Variants in SNCAIP observed in about 807,000 individuals in gnomAD.
SNCAIP encodes the protein synphilin-1.
Under a neutral mutation model 86.7 loss-of-function variants are expected in SNCAIP, and 43 were observed. The observed-to-expected ratio is 0.50, with a 90% CI of 0.39 to 0.64. The LOEUF is 0.64. SNCAIP is among the 30% of genes least tolerant of loss of function. The pLI is 0.00. For synonymous variants in SNCAIP, 417 were observed against 427.2 expected, an observed-to-expected ratio of 0.98 and a Z score of 0.29; for missense variants, 981 against 1,103.1, an observed-to-expected ratio of 0.89 and a Z score of 1.57.
chr5:122,380,450 G>T (rs1422246528), intron 1 of SNCAIP, among the ~76,000 whole-genome samples: 3 of 150,194 alleles, frequency 2.0e-5, no homozygotes, highest in Non-Finnish European at 3.0e-5. Flanking sequence ...CATTAGTCTT[G>T]CTAGTGGTCT....
chr5:122,421,371 G>C (rs934944502), intron 3 of SNCAIP, among the ~76,000 whole-genome samples: 1 of 152,118 alleles, frequency 6.6e-6, no homozygotes, highest in Non-Finnish European at 1.5e-5. Flanking sequence ...CTCTCATCCC[G>C]TTAGCTTGGT....
At chr5:122,444,967 C>T (rs537831899) in intron 8 of SNCAIP, 1 of 544,790 alleles carries the variant, frequency 1.8e-6, no homozygotes, top group African/African-American at 1.9e-5. Context: ...GCTCCCAAAG[C>T]AGGGAATTTA....
chr5:122,405,398 A>G (rs980569593), intron 3 of SNCAIP, among the ~76,000 whole-genome samples: 1 of 152,212 alleles, frequency 6.6e-6, no homozygotes, highest in East Asian at 1.9e-4. Context: ...ATACTTTATC[A>G]GGGCTTAATG....
At chr5:122,317,933 C>T (rs1752116973) in intron 1 of SNCAIP, among the ~76,000 whole-genome samples, 1 of 152,002 alleles carries the variant, frequency 6.6e-6, no homozygotes, top group Non-Finnish European at 1.5e-5. Context: ...CAAATGCTGC[C>T]TTCAGTCTCT....
At chr5:122,375,670 A>C (rs1488959442) in intron 1 of SNCAIP, among the ~76,000 whole-genome samples, 1 of 152,064 alleles carries the variant, frequency 6.6e-6, no homozygotes, top group East Asian at 1.9e-4. Context: ...GGAAATTTTA[A>C]AGTAGCCAAG....
At chr5:122,456,263 G>A (rs987785914) in intron 10 of SNCAIP, among the ~76,000 whole-genome samples, 1 of 152,298 alleles carries the variant, frequency 6.6e-6, no homozygotes, top group South Asian at 2.1e-4. Context: ...GCCACACTGG[G>A]AACTTCATAC....
At chr5:122,422,022 A>G (rs542198622) in intron 3 of SNCAIP, among the ~76,000 whole-genome samples, 2 of 112,344 alleles carry the variant, frequency 1.8e-5, no homozygotes, top group African/African-American at 7.0e-5. Context: ...AAAAAAAAAA[A>G]AAAAAACCAC....
chr5:122,322,639 A>T (rs1753192399), intron 1 of SNCAIP, among the ~76,000 whole-genome samples: 1 of 152,236 alleles, frequency 6.6e-6, no homozygotes, highest in African/African-American at 2.4e-5. Flanking sequence ...ATGTTTTAGG[A>T]GGATGAATGA....
intron 3 of SNCAIP, among the ~76,000 whole-genome samples, chr5:122,414,472 C>A (rs1774866467): frequency 6.6e-6 from 1 of 152,076 alleles, no homozygotes. Flanking sequence ...CTCAAGTGAT[C>A]CGCCCACCTT....
intron 3 of SNCAIP, among the ~76,000 whole-genome samples, chr5:122,420,624 G>A (rs1212292008): frequency 6.6e-6 from 1 of 151,836 alleles, no homozygotes; most frequent in South Asian, 2.1e-4. Context: ...GCCGAAAGTT[G>A]ATGAATAAAA....
chr5:122,425,326 G>A (rs2242224), intron 4 of SNCAIP, 26 bp from the exon 5 acceptor site: 383,842 of 1,592,538 alleles, frequency 0.24, 48,390 homozygotes, highest in South Asian at 0.31. Flanking sequence ...ATTGACTTGG[G>A]TTTTCTAATC....
At chr5:122,379,660 G>A (rs1439940411) in intron 1 of SNCAIP, among the ~76,000 whole-genome samples, 1 of 151,932 alleles carries the variant, frequency 6.6e-6, no homozygotes, top group Non-Finnish European at 1.5e-5. Flanking sequence ...CATTCAGTAT[G>A]ATATTGGCTG....
intron 1 of SNCAIP, among the ~76,000 whole-genome samples, chr5:122,351,909 CA>C (rs1405118364): frequency 1.3e-5 from 2 of 152,014 alleles, no homozygotes; most frequent in Non-Finnish European, 2.9e-5. Context: ...TCTTGTTTTC[CA>C]AAAAAGCAGG....
At chr5:122,398,463 T>G (rs1455433848) in intron 2 of SNCAIP, among the ~76,000 whole-genome samples, 2 of 152,152 alleles carry the variant, frequency 1.3e-5, no homozygotes, top group East Asian at 1.9e-4. Flanking sequence ...TTTAGAAAAA[T>G]ATTATGTTCT....
intron 10 of SNCAIP, among the ~76,000 whole-genome samples, chr5:122,457,577 T>C (rs1337936016): frequency 1.3e-5 from 2 of 152,068 alleles, no homozygotes; most frequent in Non-Finnish European, 2.9e-5. Context: ...TCTGTCTGTG[T>C]CCCCACCCAA....
intron 3 of SNCAIP, among the ~76,000 whole-genome samples, chr5:122,418,853 C>T (rs1775824248): frequency 6.6e-6 from 1 of 152,138 alleles, no homozygotes; most frequent in Non-Finnish European, 1.5e-5. Flanking sequence ...GTGACAAAGT[C>T]AGACTTACTG....
chr5:122,440,783 G>A lies in SNCAIP; in HGVS notation c.1422+29G>A, dbSNP rs763165281. 3 of 1,604,424 alleles carry A rather than the reference G, an allele frequency of 1.9e-6. No homozygotes were observed. The East Asian group carries it at 6.7e-5, about 36-fold the overall frequency. On this transcript the variant is annotated intron_variant, in intron 7 of 10. Coordinates refer to ENST00000261368, the MANE Select transcript of SNCAIP (RefSeq NM_005460.4). Reference sequence around the variant, plus strand: ...CACAGGCCCTGCTGTTTTGCAATGAGAAATGAGTATATCAAATATTAAACA... The same window carrying A: ...CACAGGCCCTGCTGTTTTGCAATGAAAAATGAGTATATCAAATATTAAACA...
intron 1 of SNCAIP, among the ~76,000 whole-genome samples, chr5:122,359,873 G>C (rs1010184488): frequency 1.8e-4 from 27 of 152,154 alleles, no homozygotes; most frequent in Non-Finnish European, 1.2e-4. Context: ...GACAGCTAAT[G>C]AATCTAGGCT....
At chr5:122,350,297 A>G (rs1285360137) in intron 1 of SNCAIP, among the ~76,000 whole-genome samples, 1 of 152,216 alleles carries the variant, frequency 6.6e-6, no homozygotes, top group Non-Finnish European at 1.5e-5. Flanking sequence ...CCATCCAAAT[A>G]TAAGAAGATA....
Sources: gnomAD v4.1 joint callset for allele counts (sites outside exome capture counted in the v4.1 genomes callset) on GRCh38, gnomAD v4.1.1 for gene constraint, MANE v1.5 for transcripts, NCBI Gene and HGNC (gene_info 2026-07-23, HGNC 2026-07-21) for gene names.